SLC35G2: variants seen among roughly 807,000 people sequenced by gnomAD.
SLC35G2 encodes the protein transmembrane protein 22.
Under a neutral mutation model 27.2 loss-of-function variants are expected in SLC35G2, and 20 were observed. That is an observed-to-expected ratio of 0.74 (90% CI 0.52 to 1.07). SLC35G2 has a LOEUF of 1.07. Among genes scored for constraint, SLC35G2 ranks in the 50% least tolerant of loss-of-function variants. The pLI, the probability that SLC35G2 is intolerant of heterozygous loss-of-function variation, is 0.00. For missense variants in SLC35G2, 416 were observed against 493.3 expected (o/e 0.84, Z 1.48); for synonymous variants, 148 against 165.3 (o/e 0.90, Z 0.80).
intron 1 of SLC35G2, among the ~76,000 whole-genome samples, chr3:136,851,503 A>G (rs1937630165): frequency 7.7e-6 from 1 of 129,614 alleles, no homozygotes; most frequent in African/African-American, 4.6e-5. Context: ...TCTCAAAAAA[A>G]AAAAAAAAAA....
At chr3:136,839,628 A>G (rs1338385171) in intron 1 of SLC35G2, among the ~76,000 whole-genome samples, 1 of 152,194 alleles carries the variant, frequency 6.6e-6, no homozygotes, top group Non-Finnish European at 1.5e-5. Flanking sequence ...AGCTCTAACC[A>G]GACTGATAAC....
At position 136,854,765 on chromosome 3, in the gene SLC35G2, G is replaced by A. The variant is rs761278634; in HGVS notation, c.305G>A (p.Arg102Gln). Residue 102 changes from arginine to glutamine, a missense_variant, in exon 2 of 2, where the codon CGA (arginine) becomes CAA (glutamine). Coordinates refer to ENST00000446465, the MANE Select transcript of SLC35G2 (RefSeq NM_025246.3). ...GCAGAAAAAAACATTTTTCAATCCC[G>A]AAAAATGTGGATAGTGCTGTTTGGA... ...SFAEKNIFQS[R>Q]KMWIVLFGSA... 37 of 1,613,962 alleles carry A rather than the reference G, an allele frequency of 2.3e-5. No individual in the cohort carries two copies. The highest frequency in any genetic ancestry group is 1.2e-4 in the African/African-American group (9 of 74,902).
intron 1 of SLC35G2, among the ~76,000 whole-genome samples, chr3:136,822,270 T>C (rs4038076): frequency 0.68 from 104,064 of 151,954 alleles, 35,886 homozygotes; most frequent in East Asian, 0.87. Context: ...CAACTCTCTC[T>C]CACTACCCTT....
In SLC35G2 at chr3:136,822,595, G is replaced by A. The variant is rs141602424; in HGVS notation, c.-19+2967G>A. On this transcript the variant is annotated intron_variant, in intron 1 of 1. Transcript: ENST00000446465. ...CTCCCAAAGTGCTGGGATTACAGGC[G>A]TGAGCCACTGCGCCCAGCGTACTCT... Among the ~76,000 whole-genome samples the A allele has an allele frequency of 2.1e-3, 322 of 152,312 alleles. 7 individuals carry two copies. In the East Asian group the frequency reaches 0.047, roughly 22 times the overall value.
chr3:136,828,117 G>A (rs527642401), intron 1 of SLC35G2, among the ~76,000 whole-genome samples: 17 of 152,122 alleles, frequency 1.1e-4, no homozygotes, highest in Non-Finnish European at 1.6e-4. Flanking sequence ...GTGAGCCACC[G>A]CACCCAACCT....
intron 1 of SLC35G2, among the ~76,000 whole-genome samples, chr3:136,828,608 A>G (rs1204523973): frequency 6.6e-6 from 1 of 151,934 alleles, no homozygotes; most frequent in Non-Finnish European, 1.5e-5. Flanking sequence ...TCCCTTTATT[A>G]TTTTTGGTCT....
chr3:136,854,487 T>C lies in SLC35G2; in HGVS notation c.27T>C (p.Tyr9=). Residue 9 remains tyrosine (Y), a synonymous_variant, in exon 2 of 2, where the codon TAT becomes TAC. Coordinates refer to ENST00000446465, the MANE Select transcript of SLC35G2 (RefSeq NM_025246.3). MDTSPSRK[Y]PVKKRVKIHP... ...TGGATACTTCTCCCTCCAGAAAATA[T>C]CCAGTTAAAAAACGGGTGAAAATAC... 6.3e-7 allele frequency: 1 copy of C among 1,580,948 alleles called. No individual in the cohort carries two copies. The highest frequency in any genetic ancestry group is 8.6e-7 in the Non-Finnish European group (1 of 1,163,610).
At chr3:136,846,037 T>C (rs1937362095) in intron 1 of SLC35G2, among the ~76,000 whole-genome samples, 2 of 152,178 alleles carry the variant, frequency 1.3e-5, no homozygotes, top group South Asian at 4.1e-4. Flanking sequence ...TTGCCTTCCA[T>C]AATGTGGGTG....
At chr3:136,835,897 G>C (rs1208101619) in intron 1 of SLC35G2, among the ~76,000 whole-genome samples, 1 of 152,174 alleles carries the variant, frequency 6.6e-6, no homozygotes, top group Non-Finnish European at 1.5e-5. Context: ...TGGCATCTCT[G>C]TATCATTCTG....
intron 1 of SLC35G2, among the ~76,000 whole-genome samples, chr3:136,824,920 C>A (rs899791554): frequency 6.6e-6 from 1 of 152,066 alleles, no homozygotes; most frequent in African/African-American, 2.4e-5. Context: ...CCCCACCTAC[C>A]AGCCCTGGTA....
At position 136,854,964 on chromosome 3, in the gene SLC35G2, C is replaced by G; in HGVS notation, c.504C>G (p.Leu168=). Residue 168 remains leucine, a synonymous_variant, in exon 2 of 2, where the codon CTC becomes CTG. Transcript: ENST00000446465. ...GACCCAGTGGATACAGATTACGACT[C>G]TTCTTTTATGGTGTATGCAATGTCA... is the stretch of plus-strand genomic sequence containing the variant. The part of the protein sequence containing the change: ...PFGPSGYRLR[L]FFYGVCNVIS... 1 of 1,614,104 alleles carries G rather than the reference C, an allele frequency of 6.2e-7. No homozygotes were observed. Among genetic ancestry groups the G allele is most frequent in the Non-Finnish European group, 8.5e-7 (1 of 1,180,016 alleles).
chr3:136,826,029 CTTTAT>C lies in SLC35G2; in HGVS notation c.-19+6420_-19+6424del, dbSNP rs56350224. 4.6e-4 allele frequency among the ~76,000 whole-genome samples: 68 copies of C among 148,712 alleles called. No homozygotes were observed. In the East Asian group the frequency reaches 9.0e-3, roughly 20 times the overall value. ...CCATCAGGTCCTGGGCTTTTCTTTT[CTTTAT>C]TTTATTTTATTTTATTTTTTAAGAC... On this transcript the variant is annotated intron_variant, in intron 1 of 1. Transcript: ENST00000446465.
chr3:136,848,320 T>A (rs566603336), intron 1 of SLC35G2, among the ~76,000 whole-genome samples: 1 of 152,284 alleles, frequency 6.6e-6, no homozygotes, highest in South Asian at 2.1e-4. Context: ...TTGGAAAATG[T>A]AGTTCAGCAT....
intron 1 of SLC35G2, among the ~76,000 whole-genome samples, chr3:136,830,949 C>G (rs1377301926): frequency 6.6e-6 from 1 of 152,196 alleles, no homozygotes; most frequent in African/African-American, 2.4e-5. Flanking sequence ...TTTGTTTAAT[C>G]ATTTTCTGAC....
chr3:136,841,237 CAG>C (rs1253500546), intron 1 of SLC35G2, among the ~76,000 whole-genome samples: 2 of 152,208 alleles, frequency 1.3e-5, no homozygotes, highest in African/African-American at 4.8e-5. Context: ...TATGGTAAAA[CAG>C]AGCTGCACCC....
At chr3:136,827,162 C>T (rs1474530533) in intron 1 of SLC35G2, among the ~76,000 whole-genome samples, 4 of 151,126 alleles carry the variant, frequency 2.6e-5, no homozygotes, top group Non-Finnish European at 5.9e-5. Flanking sequence ...ATTTTCATTT[C>T]AATTTCATTT....
chr3:136,847,975 TCAAAA>T (rs1376551454), intron 1 of SLC35G2, among the ~76,000 whole-genome samples: 1 of 152,012 alleles, frequency 6.6e-6, no homozygotes, highest in African/African-American at 2.4e-5. Flanking sequence ...AGACTCTGTC[TCAAAA>T]CAAACAAAAA....
intron 1 of SLC35G2, among the ~76,000 whole-genome samples, chr3:136,845,875 T>C (rs1002504270): frequency 2.9e-4 from 44 of 149,242 alleles, no homozygotes; most frequent in Non-Finnish European, 8.9e-5. Flanking sequence ...ATGACGGGCG[T>C]GAGCCACCGC....
At chr3:136,820,781 C>T (rs944796826) in intron 1 of SLC35G2, among the ~76,000 whole-genome samples, 1 of 152,140 alleles carries the variant, frequency 6.6e-6, no homozygotes, top group African/African-American at 2.4e-5. Flanking sequence ...TCATAATCAT[C>T]TGTTCCAAAG....
Sources: gnomAD v4.1 joint callset for allele counts (sites outside exome capture counted in the v4.1 genomes callset) on GRCh38, gnomAD v4.1.1 for gene constraint, MANE v1.5 for transcripts, NCBI Gene and HGNC (gene_info 2026-07-23, HGNC 2026-07-21) for gene names.